ETV6: variants seen among roughly 807,000 people sequenced by gnomAD.
ETV6 encodes the protein transcription factor ETV6.
Under a neutral mutation model 51.1 loss-of-function variants are expected in ETV6, and 16 were observed. The observed-to-expected ratio is 0.31, with a 90% confidence interval of 0.21 to 0.48. The LOEUF is 0.48. Ranked by LOEUF, ETV6 falls within the 20% of genes least tolerant of loss-of-function variation. The pLI is 0.99. For missense variants in ETV6, 458 were observed against 594.8 expected (o/e 0.77, Z 2.39); for synonymous variants, 240 against 224.1 (o/e 1.07, Z -0.64).
chr12:11,794,630 T>G (rs867826577), intron 2 of ETV6, among the ~76,000 whole-genome samples: 6 of 152,238 alleles, frequency 3.9e-5, no homozygotes, highest in Non-Finnish European at 7.3e-5. Flanking sequence ...GTTTTTTATC[T>G]CTTGAGGTAT....
At chr12:11,744,876 C>G (rs752587279) in intron 1 of ETV6, among the ~76,000 whole-genome samples, 15 of 150,336 alleles carry the variant, frequency 1.0e-4, no homozygotes, top group Non-Finnish European at 1.2e-4. Flanking sequence ...TTTCCGCTTA[C>G]TATCCATGTT....
At position 11,752,322 on chromosome 12, in the gene ETV6, C is replaced by T. The variant is rs2121066601; in HGVS notation, c.34-128C>T. 1.1e-5 allele frequency: 10 copies of T among 923,976 alleles called. No homozygotes were observed. In the East Asian group the frequency reaches 2.2e-4, roughly 20 times the overall value. 57.2% of individuals were successfully genotyped at this position (923,976 alleles called of 1,614,324 possible). ...TCTACGGAGAGAGTAAGCCGGATTG[C>T]TTGGGAAGCTGGTACTGCCCATGCC... is the stretch of plus-strand genomic sequence containing the variant. On this transcript the variant is annotated intron_variant, in intron 1 of 7. Coordinates refer to ENST00000396373, the MANE Select transcript of ETV6 (RefSeq NM_001987.5).
intron 4 of ETV6, among the ~76,000 whole-genome samples, chr12:11,854,185 C>T (rs1445758473): frequency 2.6e-5 from 4 of 151,956 alleles, no homozygotes; most frequent in East Asian, 1.9e-4. Context: ...CTAGATCCCG[C>T]GCATGCACAG....
chr12:11,814,638 C>G (rs1009802111), intron 2 of ETV6, among the ~76,000 whole-genome samples: 3 of 152,166 alleles, frequency 2.0e-5, no homozygotes, highest in Non-Finnish European at 4.4e-5. Context: ...ATCGATGGCT[C>G]TCCTTGTCAA....
At chr12:11,685,482 A>G (rs1447167487) in intron 1 of ETV6, among the ~76,000 whole-genome samples, 2 of 152,036 alleles carry the variant, frequency 1.3e-5, no homozygotes, top group African/African-American at 2.4e-5. Flanking sequence ...ACACTTCCTA[A>G]TTTTTTCTGG....
intron 2 of ETV6, among the ~76,000 whole-genome samples, chr12:11,783,116 G>A: frequency 6.6e-6 from 1 of 152,092 alleles, no homozygotes; most frequent in East Asian, 1.9e-4. Context: ...ATTGGGCAAG[G>A]TGAGTGGCAG....
chr12:11,893,854 AC>A lies in ETV6; in HGVS notation c.*2809del, dbSNP rs2136626140. ...TATATATATATATACACACACACAC[AC>A]ATACACAAATATTCCAGGATACAAA... On this transcript the variant is annotated 3_prime_UTR_variant, in exon 8 of 8. Coordinates refer to ENST00000396373, the MANE Select transcript of ETV6 (RefSeq NM_001987.5). 1 of 166,316 alleles carries A rather than the reference AC, an allele frequency of 6.0e-6. No individual in the cohort carries two copies. The highest frequency in any genetic ancestry group is 1.2e-5 in the Non-Finnish European group (1 of 81,264). 10.3% of individuals were successfully genotyped at this position (166,316 alleles called of 1,614,324 possible).
intron 1 of ETV6, 75 bp downstream of exon 1, chr12:11,650,235 C>T: frequency 7.7e-7 from 1 of 1,295,698 alleles, no homozygotes; most frequent in African/African-American, 1.5e-5. Context: ...TGCTGGGCTC[C>T]TCAGAGCAGG....
chr12:11,812,010 CAT>C (rs1305894552), intron 2 of ETV6, among the ~76,000 whole-genome samples: 1 of 152,194 alleles, frequency 6.6e-6, no homozygotes. Context: ...CAATCAGACA[CAT>C]GTGGCAGTAA....
Position 11,891,178 on chromosome 12 carries a change from T to G in ETV6, c.*132T>G, listed in dbSNP as rs1947281700. 1.5e-6 allele frequency: 1 copy of G among 675,916 alleles called. No homozygotes were observed. 41.9% of individuals were successfully genotyped at this position (675,916 alleles called of 1,614,324 possible). ...AGCGACCCAGAAATGGCAGGGACAC[T>G]TCTCTTGCAGACCAAGAGGGACCCT... On this transcript the variant is annotated 3_prime_UTR_variant, in exon 8 of 8. Transcript: ENST00000396373.
intron 1 of ETV6, among the ~76,000 whole-genome samples, chr12:11,655,961 A>G (rs1019204379): frequency 6.6e-6 from 1 of 152,232 alleles, no homozygotes; most frequent in African/African-American, 2.4e-5. Flanking sequence ...CCGTTGTTCT[A>G]CAACAACCAG....
In ETV6 at chr12:11,853,580, C is replaced by CT. The variant is rs757111398; in HGVS notation, c.463+23dup. ...GAAGAAGGTACTGGAAGAGGTTTCT[C>CT]TTTTCTTGCCTGAGGTTTAGACAAA... On this transcript the variant is annotated intron_variant, in intron 4 of 7. Coordinates refer to ENST00000396373, the MANE Select transcript of ETV6 (RefSeq NM_001987.5). 2.5e-6 allele frequency: 4 copies of CT among 1,613,498 alleles called. No individual in the cohort carries two copies. The highest frequency in any genetic ancestry group is 3.4e-6 in the Non-Finnish European group (4 of 1,179,696).
chr12:11,823,529 C>T (rs58453187), intron 2 of ETV6, among the ~76,000 whole-genome samples: 1,507 of 148,862 alleles, frequency 0.01, 30 homozygotes, highest in African/African-American at 0.035. Context: ...TGCGGTGGTA[C>T]GATCTCTGCT....
intron 5 of ETV6, among the ~76,000 whole-genome samples, chr12:11,875,081 AG>A (rs1946962558): frequency 6.6e-6 from 1 of 152,230 alleles, no homozygotes; most frequent in Non-Finnish European, 1.5e-5. Context: ...TATGTCTGTT[AG>A]GTATTTACCA....
At chr12:11,836,792 G>T (rs980048151) in intron 2 of ETV6, among the ~76,000 whole-genome samples, 2 of 151,424 alleles carry the variant, frequency 1.3e-5, no homozygotes, top group African/African-American at 4.9e-5. Flanking sequence ...TTCTGTATTT[G>T]CTTTGGGGCC....
At chr12:11,730,823 G>T (rs1477003189) in intron 1 of ETV6, among the ~76,000 whole-genome samples, 1 of 152,210 alleles carries the variant, frequency 6.6e-6, no homozygotes, top group Non-Finnish European at 1.5e-5. Context: ...GTTGCTGTTT[G>T]CTCTTCCCTA....
chr12:11,863,074 G>A (rs2238130), intron 4 of ETV6, among the ~76,000 whole-genome samples: 127,750 of 152,156 alleles, frequency 0.84, 54,351 homozygotes, highest in Middle Eastern at 0.96. Context: ...GGGAAAGCAC[G>A]GTGGTGGAAA....
At chr12:11,850,127 A>G (rs1281792340) in intron 3 of ETV6, among the ~76,000 whole-genome samples, 1 of 152,054 alleles carries the variant, frequency 6.6e-6, no homozygotes, top group African/African-American at 2.4e-5. Flanking sequence ...ATAACTCCCA[A>G]TACCTTATTA....
intron 1 of ETV6, among the ~76,000 whole-genome samples, chr12:11,656,762 T>C (rs973957456): frequency 2.6e-5 from 4 of 152,244 alleles, no homozygotes; most frequent in African/African-American, 9.6e-5. Flanking sequence ...CTGCCCGGCC[T>C]CGGGCTAGAC....
Sources: allele counts gnomAD v4.1 joint callset (sites outside exome capture counted in the v4.1 genomes callset), GRCh38; gene constraint gnomAD v4.1.1; transcripts MANE v1.5; gene names NCBI Gene and HGNC (gene_info 2026-07-23, HGNC 2026-07-21).